The following CCNE2 variants were observed in gnomAD, a reference collection of about 807,000 sequenced individuals.
CCNE2 encodes cyclin E2.
CCNE2 carries 18 observed loss-of-function variants against 56.8 expected under a neutral mutation model. The ratio of observed to expected loss-of-function variants is 0.32; its 90% CI spans 0.22 to 0.47. The LOEUF is 0.47. Among genes scored for constraint, CCNE2 ranks in the 20% least tolerant of loss-of-function variants. The probability of loss-of-function intolerance (pLI) is 1.00; values close to 1 mark genes in which losing one functional copy is unlikely to be tolerated. For missense variants in CCNE2, 371 were observed against 467.1 expected (o/e 0.79, Z 1.90); for synonymous variants, 139 against 149.2 (o/e 0.93, Z 0.50).
chr8:94,882,728 A>G (rs1391966203), intron 10 of CCNE2, 53 bp downstream of exon 10: 1 of 1,158,178 alleles, frequency 8.6e-7, no homozygotes. Flanking sequence ...CAGAGACTGT[A>G]GTCCCATTAG....
chr8:94,884,125 C>T (rs1816940525), intron 9 of CCNE2, among the ~76,000 whole-genome samples: 1 of 152,138 alleles, frequency 6.6e-6, no homozygotes, highest in African/African-American at 2.4e-5. Flanking sequence ...TAGTGGTTAT[C>T]CAATTTGAGT....
Position 94,894,113 on chromosome 8 carries a change from A to G in CCNE2, c.21T>C (p.Arg7=). The G allele has an allele frequency of 6.2e-7, 1 of 1,613,552 alleles. No individual in the cohort carries two copies. The highest frequency in any genetic ancestry group is 8.5e-7 in the Non-Finnish European group (1 of 1,179,632). MSRRSS[R]LQAKQQPQPS... ...GCTGGGGCTGCTGCTTAGCTTGTAA[A>G]CGGCTACTGTAGTGAATTTTTAAAA... The change falls in exon 3 of 12, where the codon CGT becomes CGC. Residue 7 remains arginine (R), a synonymous_variant. Coordinates refer to ENST00000308108, the MANE Select transcript of CCNE2 (RefSeq NM_057749.3).
intron 9 of CCNE2, among the ~76,000 whole-genome samples, chr8:94,883,148 C>T (rs1368699572): frequency 4.6e-5 from 7 of 152,012 alleles, no homozygotes; most frequent in African/African-American, 1.7e-4. Context: ...TGGTGGCACG[C>T]GCCTGTAGTC....
intron 5 of CCNE2, chr8:94,891,322 C>T: frequency 4.4e-6 from 1 of 229,612 alleles, no homozygotes; most frequent in Non-Finnish European, 9.1e-6. Flanking sequence ...ACTGTAAGAA[C>T]ACTCGTGAAA....
intron 5 of CCNE2, among the ~76,000 whole-genome samples, chr8:94,892,553 T>C (rs1233709973): frequency 3.3e-5 from 5 of 152,232 alleles, no homozygotes; most frequent in Admixed American, 2.0e-4. Context: ...AAAATGTTTC[T>C]ATCTTAACAA....
Position 94,881,610 on chromosome 8 carries a change from C to T in CCNE2, c.*22G>A, listed in dbSNP as rs1324378702. On this transcript the variant is annotated 3_prime_UTR_variant, in exon 12 of 12. Coordinates refer to ENST00000308108, the MANE Select transcript of CCNE2 (RefSeq NM_057749.3). Reference sequence around the variant, plus strand: ...TCTACCCAATCTTGGTGAATTCCAACTTGTTTGCTTAGTTATCTTCTTTAG... The same window carrying T: ...TCTACCCAATCTTGGTGAATTCCAATTTGTTTGCTTAGTTATCTTCTTTAG... 4 of 1,609,428 alleles carry T rather than the reference C, an allele frequency of 2.5e-6. No homozygotes were observed. In the Admixed American group the frequency reaches 5.1e-5, roughly 21 times the overall value.
chr8:94,889,110 T>C (rs1817140088), intron 6 of CCNE2, among the ~76,000 whole-genome samples: 1 of 151,542 alleles, frequency 6.6e-6, no homozygotes, highest in South Asian at 2.1e-4. Flanking sequence ...ATCGTGCCAT[T>C]CCATTCTGGC....
Position 94,882,881 on chromosome 8 carries a change from CAG to C in CCNE2, c.841_842del (p.Leu281ValfsTer6). ...CTAATGAATCAATGGCTAGAATACACAGATCTAAAAGCTAACAGGAAAAACAA... is the reference window on the plus strand; with the variant it reads ...CTAATGAATCAATGGCTAGAATACACATCTAAAAGCTAACAGGAAAAACAA... ...TFIQIAQLLD[L>X]CILAIDSLEF... On this transcript the variant is annotated frameshift_variant, in exon 10 of 12. Transcript: ENST00000308108. LOFTEE classifies it high-confidence loss of function. 1 of 1,607,996 alleles carries C rather than the reference CAG, an allele frequency of 6.2e-7. No individual in the cohort carries two copies. The highest frequency in any genetic ancestry group is 8.5e-7 in the Non-Finnish European group (1 of 1,174,826).
At chr8:94,881,779 T>C in intron 11 of CCNE2, 34 bp from the exon 12 acceptor site, 1 of 1,610,850 alleles carries the variant, frequency 6.2e-7, no homozygotes, top group East Asian at 2.2e-5. Flanking sequence ...ACTGATTTCA[T>C]AAATCAAAGT....
rs1816796061 is a variant in CCNE2 at position 94,881,207 on chromosome 8, A to G, written c.*425T>C. ...AAATTGCACTAGTCAAGAGTGTAGG[A>G]ATTTTGAGAATCTAACAACTAGATT... On this transcript the variant is annotated 3_prime_UTR_variant, in exon 12 of 12. Coordinates refer to ENST00000308108, the MANE Select transcript of CCNE2 (RefSeq NM_057749.3). 3 of 372,566 alleles carry G rather than the reference A, an allele frequency of 8.1e-6. No homozygotes were observed. In the Admixed American group the frequency reaches 1.4e-4, roughly 17 times the overall value. The allele number at this position is 372,566 out of a possible 1,614,324, so 23.1% of individuals were successfully genotyped here. A position where few individuals can be genotyped will look rare whatever the true frequency, so the allele number is the denominator to read the frequency against.
At chr8:94,888,421 T>C (rs1215043727) in intron 6 of CCNE2, among the ~76,000 whole-genome samples, 1 of 152,222 alleles carries the variant, frequency 6.6e-6, no homozygotes, top group African/African-American at 2.4e-5. Context: ...TTGTTATTAA[T>C]AATAAATAGT....
Position 94,880,501 on chromosome 8 carries a change from A to C in CCNE2, c.*1131T>G. On this transcript the variant is annotated 3_prime_UTR_variant, in exon 12 of 12. Coordinates refer to ENST00000308108, the MANE Select transcript of CCNE2 (RefSeq NM_057749.3). Reference sequence around the variant, plus strand: ...ATCTAGTTTTCTAATCTACTTTATGAGGCTGGATTTTTTTTTTAGAAAAGC... The same window carrying C: ...ATCTAGTTTTCTAATCTACTTTATGCGGCTGGATTTTTTTTTTAGAAAAGC... 3.3e-6 allele frequency: 1 copy of C among 305,718 alleles called. No individual in the cohort carries two copies. Among genetic ancestry groups the C allele is most frequent in the Non-Finnish European group, 5.9e-6 (1 of 169,994 alleles). 18.9% of individuals were successfully genotyped at this position (305,718 alleles called of 1,614,324 possible).
intron 6 of CCNE2, among the ~76,000 whole-genome samples, chr8:94,889,414 T>G (rs1167135913): frequency 6.6e-6 from 1 of 152,150 alleles, no homozygotes; most frequent in Non-Finnish European, 1.5e-5. Context: ...AATATCAGTA[T>G]AACAAAAAGG....
Position 94,888,023 on chromosome 8 carries a change from G to T in CCNE2, c.504C>A (p.Asp168Glu). Residue 168 changes from aspartate (D) to glutamate (E), a missense_variant, in exon 7 of 12, where the codon GAC (aspartate) becomes GAA (glutamate). By Grantham distance (45) the Asp-to-Glu change is conservative (BLOSUM62 2). Coordinates refer to ENST00000308108, the MANE Select transcript of CCNE2 (RefSeq NM_057749.3). ...LHRETFYLAQDFFDRFMLTQK... is the reference protein window; with the variant it reads ...LHRETFYLAQEFFDRFMLTQK... ...GTGTCAACATAAATCTATCAAAAAA[G>T]TCTTGTGCAAGATAAAATGTTTCCC... is the stretch of plus-strand genomic sequence containing the variant. 1 of 1,595,488 alleles carries T rather than the reference G, an allele frequency of 6.3e-7. No homozygotes were observed. The highest frequency in any genetic ancestry group is 8.5e-7 in the Non-Finnish European group (1 of 1,169,982).
At chr8:94,896,626 C>T (rs1470286724), upstream of CCNE2, 2 of 151,978 alleles carry the variant, frequency 1.3e-5, no homozygotes, top group Non-Finnish European at 2.9e-5. Flanking sequence ...CTGCCCAGGC[C>T]CTGAGCGAGC....
intron 9 of CCNE2, chr8:94,883,876 CTG>C (rs1816927557): frequency 6.6e-6 from 3 of 455,948 alleles, no homozygotes; most frequent in Non-Finnish European, 1.3e-5. Flanking sequence ...AACTTCAATT[CTG>C]TTTGTCCTCA....
rs117866654 is a variant in CCNE2, at chr8:94,889,833, C to A, written c.453+582G>T. Among the ~76,000 whole-genome samples, 894 of 152,178 alleles carry A rather than the reference C, an allele frequency of 5.9e-3. 8 individuals are homozygous for A. Among genetic ancestry groups the A allele is most frequent in the Non-Finnish European group, 9.9e-3 (671 of 67,980 alleles). On this transcript the variant is annotated intron_variant, in intron 6 of 11. Coordinates refer to ENST00000308108, the MANE Select transcript of CCNE2 (RefSeq NM_057749.3). ...CCAGAGGAAAGGGAATGGACCTAAACAAGAGAGAAAAATCTGGCACAAATC... is the reference window on the plus strand; with the variant it reads ...CCAGAGGAAAGGGAATGGACCTAAAAAAGAGAGAAAAATCTGGCACAAATC...
chr8:94,880,786 A>C lies in CCNE2; in HGVS notation c.*846T>G, dbSNP rs552361596. The C allele has an allele frequency of 5.0e-6, 2 of 398,368 alleles. No individual in the cohort carries two copies. The highest frequency in any genetic ancestry group is 8.9e-6 in the Non-Finnish European group (2 of 225,752). The allele number at this position is 398,368 out of a possible 1,614,324, so 24.7% of individuals were successfully genotyped here. A position where few individuals can be genotyped will look rare whatever the true frequency, so the allele number is the denominator to read the frequency against. On this transcript the variant is annotated 3_prime_UTR_variant, in exon 12 of 12. Transcript: ENST00000308108. Reference sequence around the variant, plus strand: ...AATTAAAAAAAAAAATTCCTTAGGGATATCTTAGAGTAGTAAAGTGACTTC... The same window carrying C: ...AATTAAAAAAAAAAATTCCTTAGGGCTATCTTAGAGTAGTAAAGTGACTTC...
chr8:94,885,118 AG>A lies in CCNE2; in HGVS notation c.779del (p.Pro260LeufsTer16). The A allele has an allele frequency of 1.2e-6, 2 of 1,613,334 alleles. No individual in the cohort carries two copies. Among genetic ancestry groups the A allele is most frequent in the Non-Finnish European group, 1.7e-6 (2 of 1,179,374 alleles). ...GAGAATACTGAGGTAGAAGAACTTTAGGAGCATCTTTAAGAGCATCAACTTG... is the reference window on the plus strand; with the variant it reads ...GAGAATACTGAGGTAGAAGAACTTTAGAGCATCTTTAAGAGCATCAACTTG... ...FLQVDALKDA[P>X]KVLLPQYSQE... On this transcript the variant is annotated frameshift_variant, in exon 9 of 12. Coordinates refer to ENST00000308108, the MANE Select transcript of CCNE2 (RefSeq NM_057749.3). LOFTEE classifies it high-confidence loss of function.
Sources: gnomAD v4.1 joint callset for allele counts (sites outside exome capture counted in the v4.1 genomes callset) on GRCh38, gnomAD v4.1.1 for gene constraint, MANE v1.5 for transcripts, NCBI Gene and HGNC (gene_info 2026-07-23, HGNC 2026-07-21) for gene names.